CTNNA2: variants seen among roughly 807,000 people sequenced by gnomAD.
The protein encoded by CTNNA2 is catenin alpha 2, also known as catenin alpha-2.
Under a neutral mutation model 101.0 loss-of-function variants are expected in CTNNA2, and 42 were observed. That is an observed-to-expected ratio of 0.42 (90% CI 0.32 to 0.54). CTNNA2 has a LOEUF of 0.54. Among genes scored for constraint, CTNNA2 ranks in the 20% least tolerant of loss-of-function variants. The pLI is 0.14. For missense variants in CTNNA2, 871 were observed against 1,223.1 expected (o/e 0.71, Z 4.29); for synonymous variants, 450 against 456.4 (o/e 0.99, Z 0.18).
chr2:79,923,702 T>C (rs77704886), intron 7 of CTNNA2, among the ~76,000 whole-genome samples: 3,764 of 152,214 alleles, frequency 0.025, 175 homozygotes, highest in African/African-American at 0.087. Flanking sequence ...GAATTCCTCC[T>C]GTTTAACTGA....
intron 2 of CTNNA2, among the ~76,000 whole-genome samples, chr2:79,683,755 T>C (rs1278291038): frequency 6.6e-6 from 1 of 152,224 alleles, no homozygotes; most frequent in Admixed American, 6.5e-5. Context: ...TTGCAGGAGC[T>C]GCAGGTGCTG....
At chr2:79,376,462 G>GT (rs1677976814) in intron 4 of CTNNA2, among the ~76,000 whole-genome samples, 1 of 126,130 alleles carries the variant, frequency 7.9e-6, no homozygotes, top group Non-Finnish European at 1.7e-5. Context: ...TTTTGTTTTT[G>GT]TTTTTGTTTT....
At chr2:79,288,596 C>T (rs1413938564) in intron 2 of CTNNA2, among the ~76,000 whole-genome samples, 1 of 152,164 alleles carries the variant, frequency 6.6e-6, no homozygotes, top group Non-Finnish European at 1.5e-5. Flanking sequence ...TTGTTTTTCT[C>T]TCTCTTCTTT....
intron 13 of CTNNA2, among the ~76,000 whole-genome samples, chr2:80,576,945 C>T (rs1695107840): frequency 6.6e-6 from 1 of 151,982 alleles, no homozygotes; most frequent in African/African-American, 2.4e-5. Flanking sequence ...TATCAAGGTG[C>T]CCTGGAGCAT....
At chr2:79,549,030 C>T (rs1280686954) in intron 1 of CTNNA2, among the ~76,000 whole-genome samples, 2 of 152,092 alleles carry the variant, frequency 1.3e-5, no homozygotes, top group Admixed American at 6.6e-5. Flanking sequence ...GTTATGTGTC[C>T]ACAGGGCATA....
At position 80,043,165 on chromosome 2, in the gene CTNNA2, CCTTCCTTCCTTCCTTCCTTTCTTT is replaced by C. The variant is rs1558755580; in HGVS notation, c.1056+133372_1056+133395del. On this transcript the variant is annotated intron_variant, in intron 7 of 18. Coordinates refer to ENST00000402739, the MANE Select transcript of CTNNA2 (RefSeq NM_001282597.3). ...TCCTTCCTTCCTTCCTTCCTTCCTT[CCTTCCTTCCTTCCTTCCTTTCTTT>C]CTTTCTTTCTCTCTCTCTTTTTTTT... 1.0e-4 allele frequency among the ~76,000 whole-genome samples: 9 copies of C among 87,372 alleles called. 1 individual carries two copies. Among genetic ancestry groups the C allele is most frequent in the African/African-American group, 5.0e-4 (8 of 15,996 alleles). 57.3% of individuals were successfully genotyped at this position (87,372 alleles called of 152,430 possible). A position where few individuals can be genotyped will look rare whatever the true frequency, so the allele number is the denominator to read the frequency against.
chr2:80,641,578 T>C lies in CTNNA2; in HGVS notation c.2575-6007T>C, dbSNP rs566253478. 3.8e-4 allele frequency among the ~76,000 whole-genome samples: 58 copies of C among 152,268 alleles called. 2 individuals carry two copies. In the South Asian group the frequency reaches 0.011, roughly 28 times the overall value. On this transcript the variant is annotated intron_variant, in intron 18 of 18. Coordinates refer to ENST00000402739, the MANE Select transcript of CTNNA2 (RefSeq NM_001282597.3). ...CTTGTTTTATATTATTTTTCACTTT[T>C]GACAATACTATTATTTGTTTTTAAA... is the stretch of plus-strand genomic sequence containing the variant.
chr2:79,410,292 T>A (rs1376097693), intron 4 of CTNNA2, among the ~76,000 whole-genome samples: 1 of 144,684 alleles, frequency 6.9e-6, no homozygotes, highest in East Asian at 2.0e-4. Context: ...ATACCCTTTA[T>A]TTCCTTCTCC....
At chr2:79,569,771 A>C (rs535074407) in intron 1 of CTNNA2, among the ~76,000 whole-genome samples, 1 of 152,320 alleles carries the variant, frequency 6.6e-6, no homozygotes, top group African/African-American at 2.4e-5. Context: ...TTACTTTTTT[A>C]AGTAAGTTAA....
Position 79,366,239 on chromosome 2 carries a change from A to C in CTNNA2, c.-317-7592A>C, listed in dbSNP as rs567428688. On this transcript the variant is annotated intron_variant, in intron 3 of 21. Coordinates refer to the CTNNA2 transcript ENST00000466387. ...TGAGGACAAGATGTGTCATCTGCAAAACAAAAATAAATAAATAAAGGCAGA... is the reference window on the plus strand; with the variant it reads ...TGAGGACAAGATGTGTCATCTGCAACACAAAAATAAATAAATAAAGGCAGA... 9.1e-4 allele frequency among the ~76,000 whole-genome samples: 139 copies of C among 152,324 alleles called. 1 individual carries two copies. Among genetic ancestry groups the C allele is most frequent in the African/African-American group, 3.2e-3 (132 of 41,564 alleles).
intron 6 of CTNNA2, among the ~76,000 whole-genome samples, chr2:79,877,715 A>G (rs1278288256): frequency 2.0e-5 from 3 of 152,226 alleles, no homozygotes; most frequent in Admixed American, 1.3e-4. Context: ...GATACTTGGT[A>G]TAATACCTTT....
At chr2:79,702,732 G>C (rs760837475) in intron 2 of CTNNA2, among the ~76,000 whole-genome samples, 50 of 152,186 alleles carry the variant, frequency 3.3e-4, no homozygotes, top group Non-Finnish European at 4.4e-4. Context: ...TTCTAAGTCA[G>C]CAGTCATAGC....
chr2:79,684,781 AT>A (rs1683822990), intron 2 of CTNNA2, among the ~76,000 whole-genome samples: 2 of 152,256 alleles, frequency 1.3e-5, no homozygotes, highest in South Asian at 4.1e-4. Context: ...GACTATACAC[AT>A]TTCCTTTTCT....
intron 7 of CTNNA2, among the ~76,000 whole-genome samples, chr2:79,965,308 C>T (rs1237367209): frequency 1.3e-5 from 2 of 152,116 alleles, no homozygotes; most frequent in Non-Finnish European, 2.9e-5. Flanking sequence ...AATTTTAAAG[C>T]ACAGATCCCT....
At chr2:80,368,447 G>A (rs1041168439) in intron 7 of CTNNA2, among the ~76,000 whole-genome samples, 1 of 151,872 alleles carries the variant, frequency 6.6e-6, no homozygotes, top group Non-Finnish European at 1.5e-5. Context: ...AAATTTTTAC[G>A]TGCATGTGCT....
At chr2:80,641,315 A>G (rs957716938) in intron 18 of CTNNA2, among the ~76,000 whole-genome samples, 2 of 152,142 alleles carry the variant, frequency 1.3e-5, no homozygotes, top group Non-Finnish European at 2.9e-5. Context: ...TTGCTTTGTG[A>G]TTTGGATTTT....
intron 15 of CTNNA2, among the ~76,000 whole-genome samples, chr2:80,602,333 A>C (rs904148637): frequency 6.6e-6 from 1 of 152,044 alleles, no homozygotes; most frequent in African/African-American, 2.4e-5. Flanking sequence ...GACATTCTTC[A>C]TTAACTTGGA....
chr2:80,107,926 C>T (rs888955340), intron 7 of CTNNA2, among the ~76,000 whole-genome samples: 11 of 152,098 alleles, frequency 7.2e-5, no homozygotes, highest in East Asian at 3.9e-4. Flanking sequence ...TTGAGTGGGG[C>T]GGGCAGAGTA....
Position 79,536,118 on chromosome 2 carries a change from T to G in CTNNA2, c.-6+22911T>G, listed in dbSNP as rs1013808533. Among the ~76,000 whole-genome samples, 26 of 152,294 alleles carry G rather than the reference T, an allele frequency of 1.7e-4. 1 individual carries two copies. The highest frequency in any genetic ancestry group is 3.3e-4 in the Admixed American group (5 of 15,300). ...TAATGAGGCACTGATTGGGGTCTGC[T>G]GACAGGGAAGAGAAGTTACCAAAAA... On this transcript the variant is annotated intron_variant, in intron 1 of 18. Transcript: ENST00000402739.
Sources: allele counts gnomAD v4.1 joint callset (sites outside exome capture counted in the v4.1 genomes callset), GRCh38; gene constraint gnomAD v4.1.1; transcripts MANE v1.5; gene names NCBI Gene and HGNC (gene_info 2026-07-23, HGNC 2026-07-21).